Variants in MTCL1 observed in about 807,000 individuals in gnomAD.
MTCL1 encodes the protein microtubule cross-linking factor 1.
MTCL1 carries 79 observed loss-of-function variants against 141.4 expected under a neutral mutation model. The ratio of observed to expected loss-of-function variants is 0.56; its 90% CI spans 0.47 to 0.67. The LOEUF is 0.67. Among genes scored for constraint, MTCL1 ranks in the 30% least tolerant of loss-of-function variants. MTCL1 has a pLI of 0.00. For synonymous variants in MTCL1, 914 were observed against 875.8 expected (o/e 1.04, Z -0.77); for missense variants, 2,177 against 2,113.9 (o/e 1.03, Z -0.59).
chr18:8,779,550 G>A lies in MTCL1; in HGVS notation c.417+1658G>A, dbSNP rs1598618151. ...GGAGTGGCTTCCCCTACTCAGAACAGGCCGAGCTCAGCTTCCCTCAGGCCG... is the reference window on the plus strand; with the variant it reads ...GGAGTGGCTTCCCCTACTCAGAACAAGCCGAGCTCAGCTTCCCTCAGGCCG... On this transcript the variant is annotated intron_variant, in intron 5 of 16. Transcript: ENST00000359865. The surrounding 1 kb of genome is among the most constrained non-coding windows in gnomAD (Gnocchi z 4.1). 6.6e-6 allele frequency among the ~76,000 whole-genome samples: 1 copy of A among 152,182 alleles called. No individual in the cohort carries two copies. Among genetic ancestry groups the A allele is most frequent in the Non-Finnish European group, 1.5e-5 (1 of 68,038 alleles).
At chr18:8,785,971 G>T (rs1353134427) in exon 7 of MTCL1, 1 of 1,601,602 alleles carries the variant, frequency 6.2e-7, no homozygotes. Flanking sequence ...GGCAGCTCGG[G>T]CCGGCCCGAG....
At chr18:8,742,192 G>C (rs2148913029) in intron 4 of MTCL1, among the ~76,000 whole-genome samples, 1 of 152,280 alleles carries the variant, frequency 6.6e-6, no homozygotes, top group East Asian at 1.9e-4. Flanking sequence ...TTATTATGGA[G>C]AGTTTCAAAC....
At chr18:8,710,307 G>C (rs534204816) in intron 1 of MTCL1, among the ~76,000 whole-genome samples, 1 of 136,034 alleles carries the variant, frequency 7.4e-6, no homozygotes, top group East Asian at 2.4e-4. Flanking sequence ...AATCCAGGTA[G>C]CTGGCTTTTG....
intron 4 of MTCL1, 104 bp downstream of exon 3, chr18:8,720,600 A>G: frequency 8.8e-7 from 1 of 1,137,994 alleles, no homozygotes; most frequent in African/African-American, 1.6e-5. Context: ...GGGTTGGCAA[A>G]TCGTGGCCTG....
rs1226487015 is a variant in MTCL1 at position 8,729,604 on chromosome 18, A to G, written c.357+9108A>G. 8.1e-5 allele frequency among the ~76,000 whole-genome samples: 12 copies of G among 148,324 alleles called. No homozygotes were observed. The Admixed American group carries it at 8.2e-4, about 10-fold the overall frequency. Reference sequence around the variant, plus strand: ...ATCTTTTGTAGAGATGAGGTCTCACAGTGTTGCTCAGGCTGTCTCAAACTC... The same window carrying G: ...ATCTTTTGTAGAGATGAGGTCTCACGGTGTTGCTCAGGCTGTCTCAAACTC... On this transcript the variant is annotated intron_variant, in intron 4 of 16. Transcript: ENST00000359865.
chr18:8,792,382 G>T (rs1411384207), intron 7 of MTCL1, among the ~76,000 whole-genome samples: 2 of 152,148 alleles, frequency 1.3e-5, no homozygotes, highest in Non-Finnish European at 2.9e-5. Flanking sequence ...GTACATCTTT[G>T]TGCGATTCCC....
chr18:8,744,275 T>TAAC (rs2096322954), intron 4 of MTCL1, among the ~76,000 whole-genome samples: 1 of 152,220 alleles, frequency 6.6e-6, no homozygotes, highest in African/African-American at 2.4e-5. Flanking sequence ...CTTCTCCTGT[T>TAAC]CTCCCATTCT....
chr18:8,831,306 T>G, intron 16 of MTCL1: 1 of 1,202,304 alleles, frequency 8.3e-7, no homozygotes. Flanking sequence ...ACAGTCACTG[T>G]GTCATGCCTT....
chr18:8,741,266 G>GTC (rs1567965216), intron 4 of MTCL1, among the ~76,000 whole-genome samples: 1 of 152,206 alleles, frequency 6.6e-6, no homozygotes, highest in East Asian at 1.9e-4. Flanking sequence ...GAATAATTAT[G>GTC]TCTGGCTGCC....
At chr18:8,831,484 C>T in intron 16 of MTCL1, 123 bp from the exon 15 acceptor site, 2 of 1,451,376 alleles carry the variant, frequency 1.4e-6, no homozygotes, top group Non-Finnish European at 1.8e-6. Context: ...AGTTAATATT[C>T]ACGAGTTGCC....
chr18:8,780,494 C>T (rs2096529090), intron 5 of MTCL1, among the ~76,000 whole-genome samples: 1 of 152,264 alleles, frequency 6.6e-6, no homozygotes, highest in Non-Finnish European at 1.5e-5. Flanking sequence ...CAATGCTGCC[C>T]TCTGTGATCT....
intron 14 of MTCL1, among the ~76,000 whole-genome samples, chr18:8,823,581 G>A (rs890765463): frequency 1.3e-5 from 2 of 152,196 alleles, no homozygotes; most frequent in African/African-American, 4.8e-5. Flanking sequence ...TTCCTTTCCG[G>A]CACTGGATAT....
At chr18:8,783,768 A>G (rs754094208) in exon 6 of MTCL1, 1 of 1,613,136 alleles carries the variant, frequency 6.2e-7, no homozygotes, top group Non-Finnish European at 8.5e-7. Context: ...GAGGAAGCCA[A>G]CATCTTGGGC....
chr18:8,734,254 A>G (rs1303812471), intron 4 of MTCL1, among the ~76,000 whole-genome samples: 1 of 151,106 alleles, frequency 6.6e-6, no homozygotes, highest in East Asian at 1.9e-4. Context: ...TCCTCCTCCA[A>G]CTCCGTTGAA....
chr18:8,824,984 C>T, exon 15 of MTCL1: 2 of 1,613,428 alleles, frequency 1.2e-6, no homozygotes, highest in Non-Finnish European at 1.7e-6. Flanking sequence ...GGTACCTAAC[C>T]ACAAGTGTCA....
chr18:8,744,587 ATCT>A (rs1400450964), intron 4 of MTCL1, among the ~76,000 whole-genome samples: 4 of 151,456 alleles, frequency 2.6e-5, no homozygotes, highest in Non-Finnish European at 4.4e-5. Flanking sequence ...TTATATTTTT[ATCT>A]TCTTTCTGTT....
chr18:8,748,029 CT>C (rs1368336471), intron 4 of MTCL1, among the ~76,000 whole-genome samples: 2 of 152,144 alleles, frequency 1.3e-5, no homozygotes, highest in African/African-American at 2.4e-5. Flanking sequence ...GTTGGTGCCC[CT>C]GGTCTTCCGT....
intron 4 of MTCL1, among the ~76,000 whole-genome samples, chr18:8,768,052 A>T (rs2096467445): frequency 6.6e-6 from 1 of 152,214 alleles, no homozygotes; most frequent in Non-Finnish European, 1.5e-5. Context: ...TTTAGTGCAA[A>T]TGAAAATTTA....
chr18:8,758,342 C>T (rs577631313), intron 4 of MTCL1, among the ~76,000 whole-genome samples: 2 of 152,198 alleles, frequency 1.3e-5, no homozygotes, highest in East Asian at 3.9e-4. Context: ...CTTCTAATCC[C>T]TCAGGAGTTA....
Sources: gnomAD v4.1 joint callset for allele counts (sites outside exome capture counted in the v4.1 genomes callset) on GRCh38, gnomAD v4.1.1 for gene constraint, Gnocchi (gnomAD v3.1) non-coding constraint, MANE v1.5 for transcripts, NCBI Gene and HGNC (gene_info 2026-07-23, HGNC 2026-07-21) for gene names.